MARK2: variants seen among roughly 807,000 people sequenced by gnomAD.
The protein encoded by MARK2 is microtubule affinity regulating kinase 2.
In MARK2, 16 loss-of-function variants were observed where a neutral mutation model predicts 89.8. The ratio of observed to expected loss-of-function variants is 0.18; its 90% CI spans 0.12 to 0.27. The LOEUF (loss-of-function observed/expected upper bound fraction) is 0.27, where lower values mean the gene tolerates loss of function less well. Ranked by LOEUF, MARK2 falls within the 10% of genes least tolerant of loss-of-function variation. The pLI, the probability that MARK2 is intolerant of heterozygous loss-of-function variation, is 1.00. For synonymous variants in MARK2, 382 were observed against 399.5 expected (o/e 0.96, Z 0.52); for missense variants, 621 against 1,049.9 (o/e 0.59, Z 5.65).
At chr11:63,875,399 CGT>C (rs1938688984) in intron 1 of MARK2, among the ~76,000 whole-genome samples, 2 of 150,922 alleles carry the variant, frequency 1.3e-5, no homozygotes, top group Admixed American at 1.3e-4. Context: ...GGATTACAGG[CGT>C]GAGCCACCAC....
Position 63,903,928 on chromosome 11 carries a change from A to T in MARK2, c.1515-58A>T. On this transcript the variant is annotated intron_variant, in intron 14 of 18. Coordinates refer to ENST00000402010, the MANE Select transcript of MARK2 (RefSeq NM_001039469.3). The surrounding 1 kb of genome is among the most constrained non-coding windows in gnomAD (Gnocchi z 5.1). ...TTCCCCTGCCCTTGCTTCCTAATCC[A>T]GGCCTCCCGCCCTCACTCACCCCTA... is the stretch of plus-strand genomic sequence containing the variant. 1.4e-6 allele frequency: 2 copies of T among 1,462,858 alleles called. No individual in the cohort carries two copies. Among genetic ancestry groups the T allele is most frequent in the East Asian group, 2.4e-5 (1 of 41,618 alleles). The allele number at this position is 1,462,858 out of a possible 1,614,324, so 90.6% of individuals were successfully genotyped here.
intron 1 of MARK2, among the ~76,000 whole-genome samples, chr11:63,853,294 G>C (rs1027596470): frequency 1.3e-5 from 2 of 152,122 alleles, no homozygotes; most frequent in Non-Finnish European, 2.9e-5. Flanking sequence ...AGCTACTCGG[G>C]AGGCTGAGGC....
At chr11:63,898,978 A>G in intron 6 of MARK2, 74 bp from the exon 7 acceptor site, 1 of 1,257,640 alleles carries the variant, frequency 8.0e-7, no homozygotes, top group South Asian at 1.2e-5. Flanking sequence ...ACTAAGTCAC[A>G]GGGTCACTGC....
chr11:63,856,823 GCTCTCTCGCTCTCTCA>G (rs2016887386), intron 1 of MARK2, among the ~76,000 whole-genome samples: 1 of 94,796 alleles, frequency 1.1e-5, no homozygotes, highest in Non-Finnish European at 1.9e-5. Context: ...AGTCTCTCTC[GCTCTCTCGCTCTCTCA>G]CTCTCTCGCC....
chr11:63,859,896 C>T (rs1395830569), intron 1 of MARK2, among the ~76,000 whole-genome samples: 1 of 152,244 alleles, frequency 6.6e-6, no homozygotes, highest in Non-Finnish European at 1.5e-5. Flanking sequence ...TCCTAAAGTA[C>T]TGGGATGACA....
chr11:63,888,906 C>A, intron 1 of MARK2: 1 of 1,349,030 alleles, frequency 7.4e-7, no homozygotes, highest in East Asian at 4.6e-5. Flanking sequence ...CTGACAGGTT[C>A]TGCTGTGGGC....
chr11:63,904,231 G>A lies in MARK2; in HGVS notation c.1676+84G>A. 8.0e-7 allele frequency: 1 copy of A among 1,253,956 alleles called. No homozygotes were observed. Among genetic ancestry groups the A allele is most frequent in the Non-Finnish European group, 1.1e-6 (1 of 924,020 alleles). 77.7% of individuals were successfully genotyped at this position (1,253,956 alleles called of 1,614,324 possible). A position where few individuals can be genotyped will look rare whatever the true frequency, so the allele number is the denominator to read the frequency against. On this transcript the variant is annotated intron_variant, in intron 15 of 18. Coordinates refer to ENST00000402010, the MANE Select transcript of MARK2 (RefSeq NM_001039469.3). This position sits in a 1 kb window ranked among gnomAD's most constrained non-coding sequence, Gnocchi z 6.3. ...CCCAACAATTTCTTCTTCCCACTTG[G>A]GGGTCCTGCTGTGTTCTTGTCATCT...
chr11:63,871,301 G>A (rs1454547306), intron 1 of MARK2, among the ~76,000 whole-genome samples: 1 of 152,080 alleles, frequency 6.6e-6, no homozygotes, highest in African/African-American at 2.4e-5. Flanking sequence ...GTGCAGGTGT[G>A]GCTAAAGAGT....
chr11:63,895,757 C>T, intron 3 of MARK2, 124 bp downstream of exon 3: 2 of 875,962 alleles, frequency 2.3e-6, no homozygotes, highest in Non-Finnish European at 3.7e-6. Context: ...GCAACCTCCG[C>T]CTTTTGGTTT....
rs920528537 is a variant in MARK2 at position 63,897,994 on chromosome 11, G to A, written c.289-238G>A. Among the ~76,000 whole-genome samples, 3 of 152,258 alleles carry A rather than the reference G, an allele frequency of 2.0e-5. No individual in the cohort carries two copies. In the South Asian group the frequency reaches 6.2e-4, roughly 32 times the overall value. On this transcript the variant is annotated intron_variant, in intron 3 of 18. Coordinates refer to ENST00000402010, the MANE Select transcript of MARK2 (RefSeq NM_001039469.3). ...CTGGATTTGGTAGACGCAGCAGAGG[G>A]CATGGCTGGCTCATCCTGATGCCAT...
intron 1 of MARK2, among the ~76,000 whole-genome samples, chr11:63,886,807 T>A (rs556282166): frequency 2.0e-5 from 3 of 152,342 alleles, no homozygotes; most frequent in Non-Finnish European, 2.9e-5. Context: ...TTCCTCAGTT[T>A]ACAAAATCCC....
chr11:63,886,580 C>T (rs1314333203), intron 1 of MARK2, among the ~76,000 whole-genome samples: 8 of 152,140 alleles, frequency 5.3e-5, no homozygotes, highest in Non-Finnish European at 8.8e-5. Flanking sequence ...TACGCCACCA[C>T]GCTCAGCAAA....
intron 1 of MARK2, among the ~76,000 whole-genome samples, chr11:63,875,824 G>T (rs1439251737): frequency 6.6e-6 from 1 of 152,194 alleles, no homozygotes; most frequent in Non-Finnish European, 1.5e-5. Flanking sequence ...CTCAGGAGCT[G>T]GAAGTGTGGC....
At chr11:63,877,127 T>G (rs1236041819) in intron 1 of MARK2, among the ~76,000 whole-genome samples, 2 of 107,082 alleles carry the variant, frequency 1.9e-5, no homozygotes, top group Non-Finnish European at 3.9e-5. Context: ...TTTTTTTTTT[T>G]GAGACGGAGT....
intron 1 of MARK2, among the ~76,000 whole-genome samples, chr11:63,846,977 A>G (rs1443805182): frequency 1.3e-5 from 2 of 152,188 alleles, no homozygotes; most frequent in Non-Finnish European, 1.5e-5. Flanking sequence ...TTAAAAAGTT[A>G]CCTGGGTGTG....
In MARK2 at chr11:63,904,771, C is replaced by A. The variant is rs1457347128; in HGVS notation, c.1677-15C>A. ...CCCTAATTCGTCCCCCTCAACCCCA[C>A]TTCTCTTCCCACAGCACAGCCCCCC... On this transcript the variant is annotated splice_polypyrimidine_tract_variant and intron_variant, in intron 15 of 18. Coordinates refer to ENST00000402010, the MANE Select transcript of MARK2 (RefSeq NM_001039469.3). This position sits in a 1 kb window ranked among gnomAD's most constrained non-coding sequence, Gnocchi z 6.3. 2 of 1,611,978 alleles carry A rather than the reference C, an allele frequency of 1.2e-6. No individual in the cohort carries two copies. The highest frequency in any genetic ancestry group is 1.7e-6 in the Non-Finnish European group (2 of 1,178,364).
intron 1 of MARK2, among the ~76,000 whole-genome samples, chr11:63,848,630 A>C (rs528261592): frequency 7.8e-4 from 117 of 150,670 alleles, no homozygotes; most frequent in Admixed American, 1.3e-3. Context: ...AGCTCACTGC[A>C]AGCTCTGCCT....
chr11:63,854,186 C>CTGTGTGTGTGTGTGTGTGTG (rs55689743), intron 1 of MARK2, among the ~76,000 whole-genome samples: 1 of 141,560 alleles, frequency 7.1e-6, no homozygotes, highest in Non-Finnish European at 1.5e-5. Context: ...ACTATTAATT[C>CTGTGTGTGTGTGTGTGTGTG]TGTGTGTGTG....
At chr11:63,875,223 C>T (rs935524621) in intron 1 of MARK2, among the ~76,000 whole-genome samples, 2 of 150,818 alleles carry the variant, frequency 1.3e-5, no homozygotes, top group African/African-American at 2.4e-5. Context: ...CAGGTTCAAG[C>T]GATTCTCCTG....
Sources: allele counts gnomAD v4.1 joint callset (sites outside exome capture counted in the v4.1 genomes callset), GRCh38; gene constraint gnomAD v4.1.1; non-coding constraint Gnocchi (gnomAD v3.1); transcripts MANE v1.5; gene names NCBI Gene and HGNC (gene_info 2026-07-23, HGNC 2026-07-21).